The following KSR2 variants were observed in gnomAD, a reference collection of about 807,000 sequenced individuals.
The protein encoded by KSR2 is kinase suppressor of ras 2.
KSR2 carries 25 observed loss-of-function variants against 107.8 expected under a neutral mutation model. The observed-to-expected ratio is 0.23, with a 90% CI of 0.17 to 0.32. KSR2 has a LOEUF of 0.32. Ranked by LOEUF, KSR2 falls within the 10% of genes least tolerant of loss-of-function variation. KSR2 has a pLI of 1.00. For missense variants in KSR2, 887 were observed against 1,268.9 expected (o/e 0.70, Z 4.57); for synonymous variants, 480 against 507.0 (o/e 0.95, Z 0.71).
chr12:117,736,914 T>C (rs922949528), intron 4 of KSR2, among the ~76,000 whole-genome samples: 2 of 150,824 alleles, frequency 1.3e-5, no homozygotes, highest in Admixed American at 1.3e-4. Context: ...AATAGGAGAG[T>C]TTTCTTCTCC....
intron 3 of KSR2, among the ~76,000 whole-genome samples, chr12:117,763,029 A>G (rs924478387): frequency 5.9e-5 from 9 of 151,968 alleles, no homozygotes; most frequent in African/African-American, 4.8e-5. Context: ...TCCTAATGCT[A>G]TCCCTCCCCT....
chr12:117,559,009 T>C (rs1877918898), intron 7 of KSR2, among the ~76,000 whole-genome samples: 1 of 150,582 alleles, frequency 6.6e-6, no homozygotes, highest in African/African-American at 2.5e-5. Flanking sequence ...AGGAAGTGAA[T>C]AGATAAATAA....
chr12:117,503,420 G>A (rs1405590062), intron 14 of KSR2, among the ~76,000 whole-genome samples: 1 of 152,154 alleles, frequency 6.6e-6, no homozygotes, highest in Admixed American at 6.5e-5. Flanking sequence ...GTGAAAAGTA[G>A]GATGTTTTTA....
intron 3 of KSR2, among the ~76,000 whole-genome samples, chr12:117,790,968 T>G (rs77022693): frequency 0.061 from 9,323 of 152,232 alleles, 318 homozygotes; most frequent in East Asian, 0.12. Flanking sequence ...ACTAGAACAA[T>G]GGATGTTTTG....
At chr12:117,597,165 T>C (rs748453582) in intron 5 of KSR2, among the ~76,000 whole-genome samples, 2 of 152,190 alleles carry the variant, frequency 1.3e-5, no homozygotes, top group Non-Finnish European at 2.9e-5. Flanking sequence ...CCTTCTTCCT[T>C]GGTGACCTGA....
intron 1 of KSR2, among the ~76,000 whole-genome samples, chr12:117,863,125 C>T (rs1893366162): frequency 6.6e-6 from 1 of 152,168 alleles, no homozygotes; most frequent in South Asian, 2.1e-4. Flanking sequence ...TGAGGCTGTT[C>T]CCATTGTATC....
intron 5 of KSR2, among the ~76,000 whole-genome samples, chr12:117,583,373 G>A (rs1375284104): frequency 6.8e-6 from 1 of 147,982 alleles, no homozygotes; most frequent in Admixed American, 6.7e-5. Flanking sequence ...GGGTGGGTGG[G>A]TGGATGGATA....
chr12:117,945,506 C>T (rs1356853608), intron 1 of KSR2, among the ~76,000 whole-genome samples: 1 of 152,066 alleles, frequency 6.6e-6, no homozygotes, highest in East Asian at 1.9e-4. Flanking sequence ...GAAACCCTAT[C>T]TCTAAATACA....
At chr12:117,644,921 G>A (rs76545815) in intron 5 of KSR2, among the ~76,000 whole-genome samples, 4,705 of 152,128 alleles carry the variant, frequency 0.031, 240 homozygotes, top group African/African-American at 0.11. Context: ...TGGTAATTAC[G>A]TCACCCTGGT....
chr12:117,705,277 C>T (rs1464945968), intron 4 of KSR2, among the ~76,000 whole-genome samples: 1 of 152,160 alleles, frequency 6.6e-6, no homozygotes, highest in Non-Finnish European at 1.5e-5. Context: ...ACAGACGCTC[C>T]CAGAGGAGAA....
chr12:117,731,822 GAT>G (rs1463765909), intron 4 of KSR2, among the ~76,000 whole-genome samples: 9 of 149,814 alleles, frequency 6.0e-5, no homozygotes, highest in Non-Finnish European at 1.3e-4. Context: ...TTGTTAAACA[GAT>G]GCTTGAAGGC....
intron 3 of KSR2, among the ~76,000 whole-genome samples, chr12:117,840,102 T>TTA (rs1555248135): frequency 2.4e-5 from 3 of 127,392 alleles, no homozygotes; most frequent in African/African-American, 9.5e-5. Context: ...TTTATTTTAT[T>TTA]TTATTTTTTT....
chr12:117,728,637 C>T (rs1365945423), intron 4 of KSR2, among the ~76,000 whole-genome samples: 2 of 152,178 alleles, frequency 1.3e-5, no homozygotes, highest in African/African-American at 4.8e-5. Context: ...GTTCCCCCAG[C>T]GCTGCAAAAC....
intron 4 of KSR2, among the ~76,000 whole-genome samples, chr12:117,750,955 C>T (rs1026137481): frequency 2.6e-5 from 4 of 152,152 alleles, no homozygotes; most frequent in Non-Finnish European, 4.4e-5. Context: ...GTGAATAGTG[C>T]TGCAATGAAC....
At chr12:117,520,911 G>T (rs1874717526) in intron 14 of KSR2, among the ~76,000 whole-genome samples, 1 of 152,194 alleles carries the variant, frequency 6.6e-6, no homozygotes, top group Non-Finnish European at 1.5e-5. Context: ...CTGGCATCTA[G>T]TGAGTAGAGG....
At chr12:117,789,868 C>T (rs1182854938) in intron 3 of KSR2, among the ~76,000 whole-genome samples, 1 of 152,200 alleles carries the variant, frequency 6.6e-6, no homozygotes, top group Non-Finnish European at 1.5e-5. Flanking sequence ...AAACAGACAA[C>T]TCATAAAGCC....
intron 4 of KSR2, among the ~76,000 whole-genome samples, chr12:117,742,408 G>T (rs1192589158): frequency 2.6e-5 from 4 of 152,190 alleles, no homozygotes; most frequent in Non-Finnish European, 5.9e-5. Flanking sequence ...GAATGCTCCT[G>T]ATTTTAGAAA....
chr12:117,634,347 G>A (rs936796066), intron 5 of KSR2, among the ~76,000 whole-genome samples: 6 of 152,216 alleles, frequency 3.9e-5, no homozygotes, highest in South Asian at 2.1e-4. Context: ...TATGCAAGAC[G>A]GAACTTCCAA....
At chr12:117,963,965 G>C (rs7963278) in intron 1 of KSR2, among the ~76,000 whole-genome samples, 17,462 of 152,218 alleles carry the variant, frequency 0.11, 1,325 homozygotes, top group African/African-American at 0.21. Context: ...TGTTTTCCCA[G>C]GTGTATCCTA....
Sources: gnomAD v4.1 joint callset for allele counts (sites outside exome capture counted in the v4.1 genomes callset) on GRCh38, gnomAD v4.1.1 for gene constraint, MANE v1.5 for transcripts, NCBI Gene and HGNC (gene_info 2026-07-23, HGNC 2026-07-21) for gene names.